The following NDNF variants were observed in gnomAD, a reference collection of about 807,000 sequenced individuals.
The protein encoded by NDNF is neuron derived neurotrophic factor.
In NDNF, 16 loss-of-function variants were observed where a neutral mutation model predicts 42.0. The ratio of observed to expected loss-of-function variants is 0.38; its 90% CI spans 0.26 to 0.58. The LOEUF (loss-of-function observed/expected upper bound fraction) is 0.58. NDNF is among the 20% of genes least tolerant of loss of function. NDNF has a pLI of 0.67. For missense variants in NDNF, 616 were observed against 666.2 expected (o/e 0.92, Z 0.83); for synonymous variants, 248 against 251.7 (o/e 0.99, Z 0.14).
chr4:121,052,007 C>G (rs1182090852), intron 1 of NDNF, among the ~76,000 whole-genome samples: 1 of 152,154 alleles, frequency 6.6e-6, no homozygotes, highest in Non-Finnish European at 1.5e-5. Flanking sequence ...TAAATTAATG[C>G]ACTGTGACCT....
intron 2 of NDNF, among the ~76,000 whole-genome samples, chr4:121,044,421 T>C (rs1289898840): frequency 6.6e-6 from 1 of 152,122 alleles, no homozygotes; most frequent in Non-Finnish European, 1.5e-5. Flanking sequence ...ATTAACTGTG[T>C]GTGCTAAACT....
intron 2 of NDNF, among the ~76,000 whole-genome samples, chr4:121,041,681 G>C (rs1006683198): frequency 3.3e-5 from 5 of 152,188 alleles, no homozygotes. Context: ...CGGAGGTGGT[G>C]AAAGTGGAGG....
At chr4:121,053,439 TA>T (rs1451176725) in intron 1 of NDNF, among the ~76,000 whole-genome samples, 1 of 152,218 alleles carries the variant, frequency 6.6e-6, no homozygotes, top group Non-Finnish European at 1.5e-5. Flanking sequence ...TTAAAGTAAG[TA>T]ATCTTGTATT....
At chr4:121,070,954 G>C (rs972170212) in intron 1 of NDNF, among the ~76,000 whole-genome samples, 4 of 152,158 alleles carry the variant, frequency 2.6e-5, no homozygotes, top group African/African-American at 9.7e-5. Flanking sequence ...TGCGGGGCGG[G>C]TCCGGGGAAC....
rs1179237415 is a variant in NDNF, at chr4:121,050,812, A to G, written c.-1-4974T>C. On this transcript the variant is annotated intron_variant, in intron 1 of 3. Coordinates refer to ENST00000379692, the MANE Select transcript of NDNF (RefSeq NM_024574.4). ...AAACTGAGGTGAGAAAATAAAAATG[A>G]CCTAATGATTTGATACAACTCAATC... Among the ~76,000 whole-genome samples, 8 of 152,318 alleles carry G rather than the reference A, an allele frequency of 5.3e-5. No homozygotes were observed. The East Asian group carries it at 1.5e-3, about 29-fold the overall frequency.
intron 2 of NDNF, among the ~76,000 whole-genome samples, chr4:121,040,258 G>A (rs996851743): frequency 2.0e-5 from 3 of 151,898 alleles, no homozygotes; most frequent in African/African-American, 7.3e-5. Context: ...ATTAACTGTG[G>A]AAGTCCAACA....
In NDNF at chr4:121,039,204, A is replaced by AAAGACTATGTATGTG. The variant is rs1560603277; in HGVS notation, c.313+725_313+726insCACATACATAGTCTT. 9.3e-4 allele frequency among the ~76,000 whole-genome samples: 29 copies of AAAGACTATGTATGTG among 31,234 alleles called. 1 individual carries two copies. The highest frequency in any genetic ancestry group is 4.2e-3 in the East Asian group (2 of 472). 20.5% of individuals were successfully genotyped at this position (31,234 alleles called of 152,430 possible). ...TGTGTGTGTGTGTGTATATATATAT[A>AAAGACTATGTATGTG]TATATATATATATATATATATATAT... On this transcript the variant is annotated intron_variant, in intron 3 of 3. Coordinates refer to ENST00000379692, the MANE Select transcript of NDNF (RefSeq NM_024574.4).
chr4:121,070,900 C>G (rs1486396558), intron 1 of NDNF, among the ~76,000 whole-genome samples: 2 of 152,088 alleles, frequency 1.3e-5, no homozygotes, highest in Non-Finnish European at 2.9e-5. Context: ...AGGGACAGCT[C>G]AGAGACAGCG....
chr4:121,062,468 A>T (rs1467637759), intron 1 of NDNF, among the ~76,000 whole-genome samples: 7 of 152,172 alleles, frequency 4.6e-5, no homozygotes, highest in Non-Finnish European at 2.9e-5. Context: ...GGATTAAGAG[A>T]TGATTAAAGA....
intron 1 of NDNF, among the ~76,000 whole-genome samples, chr4:121,057,986 T>G (rs757206534): frequency 2.0e-5 from 3 of 152,216 alleles, no homozygotes; most frequent in Non-Finnish European, 2.9e-5. Context: ...AGACTTTGTT[T>G]CTTATGTTAC....
intron 1 of NDNF, among the ~76,000 whole-genome samples, chr4:121,048,167 T>C: frequency 6.6e-6 from 1 of 152,176 alleles, no homozygotes; most frequent in East Asian, 1.9e-4. Context: ...CTCTTTGTAG[T>C]ACCATCCCCA....
intron 1 of NDNF, among the ~76,000 whole-genome samples, chr4:121,059,571 G>A (rs992299430): frequency 6.6e-6 from 1 of 152,176 alleles, no homozygotes; most frequent in Non-Finnish European, 1.5e-5. Context: ...TGGATGGTCC[G>A]GGAGCCTGGT....
At chr4:121,039,800 G>A (rs17353430) in intron 3 of NDNF, 130 bp downstream of exon 3, 219,703 of 1,024,700 alleles carry the variant, frequency 0.21, 24,866 homozygotes, top group South Asian at 0.33. Context: ...CCTTATCTCC[G>A]TCTCATACCT....
Position 121,068,666 on chromosome 4 carries a change from T to G in NDNF, c.-2+3327A>C, listed in dbSNP as rs555494825. ...AGGTTCAGCTGCTACTATAGGTGTA[T>G]AGGTCCCCAAAGCAAGACCTGACAA... On this transcript the variant is annotated intron_variant, in intron 1 of 3. Transcript: ENST00000379692. Among the ~76,000 whole-genome samples, 13 of 152,220 alleles carry G rather than the reference T, an allele frequency of 8.5e-5. No homozygotes were observed. In the East Asian group the frequency reaches 2.5e-3, roughly 29 times the overall value.
rs1426217659 is a variant in NDNF at position 121,037,603 on chromosome 4, G to C, written c.368C>G (p.Thr123Ser). 6.2e-7 allele frequency: 1 copy of C among 1,607,228 alleles called. No homozygotes were observed. Among genetic ancestry groups the C allele is most frequent in the Admixed American group, 1.7e-5 (1 of 59,880 alleles). ...QKQQIINEEG[T>S]ELFSYKGNDV... The stretch of plus-strand genomic sequence containing the variant: ...ATTGCCTTTGTAGGAGAATAACTCA[G>C]TGCCTTCCTCATTAATGATCTGCTG... Residue 123 changes from threonine to serine, a missense_variant, in exon 4 of 4, where the codon ACT (threonine) becomes AGT (serine). Physicochemically the swap from Thr to Ser is moderately conservative, Grantham distance 58. Coordinates refer to ENST00000379692, the MANE Select transcript of NDNF (RefSeq NM_024574.4).
Position 121,055,641 on chromosome 4 carries a change from T to TGA in NDNF, c.-1-9804_-1-9803insTC, listed in dbSNP as rs1727280199. Among the ~76,000 whole-genome samples the TGA allele has an allele frequency of 1.3e-3, 194 of 152,204 alleles. 3 individuals are homozygous for TGA. The East Asian group carries it at 0.019, about 15-fold the overall frequency. On this transcript the variant is annotated intron_variant, in intron 1 of 3. Coordinates refer to ENST00000379692, the MANE Select transcript of NDNF (RefSeq NM_024574.4). The stretch of plus-strand genomic sequence containing the variant: ...AGGAGAAAAAGAGGAAGGCATTCTC[T>TGA]TTAAATGATGAGAAACATAAATGAG...
rs189176082 is a variant in NDNF, at chr4:121,058,627, T to C, written c.-1-12789A>G. Among the ~76,000 whole-genome samples the C allele has an allele frequency of 3.2e-3, 491 of 152,302 alleles. 7 individuals carry two copies. Among genetic ancestry groups the C allele is most frequent in the Admixed American group, 0.028 (427 of 15,292 alleles). On this transcript the variant is annotated intron_variant, in intron 1 of 3. Transcript: ENST00000379692. ...TGCAGCAGCGCAATCTTTCCAATTA[T>C]GAAACTAGGGACTTCCACACTATCT...
rs567858630 is a variant in NDNF at position 121,036,144 on chromosome 4, C to T, written c.*120G>A. On this transcript the variant is annotated 3_prime_UTR_variant, in exon 4 of 4. Transcript: ENST00000379692. Reference sequence around the variant, plus strand: ...TCAATATACACACGTTGATATCCTTCCTTCCATAGTACAAGTACAGGTCAC... The same window carrying T: ...TCAATATACACACGTTGATATCCTTTCTTCCATAGTACAAGTACAGGTCAC... 2.6e-5 allele frequency: 21 copies of T among 800,772 alleles called. No homozygotes were observed. The South Asian group carries it at 3.3e-4, about 13-fold the overall frequency. 49.6% of individuals were successfully genotyped at this position (800,772 alleles called of 1,614,324 possible). A position where few individuals can be genotyped will look rare whatever the true frequency, so the allele number is the denominator to read the frequency against.
chr4:121,063,816 G>T (rs919300438), intron 1 of NDNF, among the ~76,000 whole-genome samples: 1 of 152,092 alleles, frequency 6.6e-6, no homozygotes, highest in Admixed American at 6.5e-5. Flanking sequence ...GAGAGATATG[G>T]GGATTATTTA....
Sources: gnomAD v4.1 joint callset for allele counts (sites outside exome capture counted in the v4.1 genomes callset) on GRCh38, gnomAD v4.1.1 for gene constraint, MANE v1.5 for transcripts, NCBI Gene and HGNC (gene_info 2026-07-23, HGNC 2026-07-21) for gene names.